CNTNAP2: variants seen among roughly 807,000 people sequenced by gnomAD.
CNTNAP2 encodes contactin-associated protein-like 2.
CNTNAP2 carries 98 observed loss-of-function variants against 155.2 expected under a neutral mutation model. The observed-to-expected ratio is 0.63, with a 90% CI of 0.54 to 0.75. The LOEUF (loss-of-function observed/expected upper bound fraction) is 0.75. CNTNAP2 is among the 30% of genes least tolerant of loss of function. The pLI is 0.00. For synonymous variants in CNTNAP2, 651 were observed against 631.2 expected (o/e 1.03, Z -0.47); for missense variants, 1,727 against 1,688.1 (o/e 1.02, Z -0.40).
chr7:147,001,588 A>C (rs1014112039), intron 3 of CNTNAP2, among the ~76,000 whole-genome samples: 5 of 151,960 alleles, frequency 3.3e-5, no homozygotes, highest in African/African-American at 2.4e-5. Flanking sequence ...TTCCAACACA[A>C]ATGCCTTCTA....
intron 1 of CNTNAP2, among the ~76,000 whole-genome samples, chr7:146,772,785 C>T (rs569079043): frequency 2.6e-5 from 4 of 152,160 alleles, no homozygotes; most frequent in South Asian, 2.1e-4. Context: ...CACTGGGTGG[C>T]GGGGTAGCAG....
intron 3 of CNTNAP2, among the ~76,000 whole-genome samples, chr7:146,894,332 C>A (rs1368109929): frequency 6.6e-6 from 1 of 152,142 alleles, no homozygotes. Context: ...ATATGGGAAA[C>A]AATACCCTTC....
chr7:146,136,420 A>G (rs1309592460), intron 1 of CNTNAP2, among the ~76,000 whole-genome samples: 4 of 152,206 alleles, frequency 2.6e-5, no homozygotes, highest in Non-Finnish European at 5.9e-5. Context: ...AACATATTTT[A>G]TATCTTAAGT....
intron 3 of CNTNAP2, among the ~76,000 whole-genome samples, chr7:147,011,682 T>C (rs1050002058): frequency 2.0e-5 from 3 of 152,000 alleles, no homozygotes; most frequent in African/African-American, 7.2e-5. Flanking sequence ...AGAATTCATC[T>C]CCCCAGAGCA....
chr7:146,429,509 A>C (rs1346768620), intron 1 of CNTNAP2, among the ~76,000 whole-genome samples: 1 of 152,032 alleles, frequency 6.6e-6, no homozygotes, highest in Non-Finnish European at 1.5e-5. Flanking sequence ...GAGTTCATTC[A>C]TAATTCTGCT....
chr7:146,396,705 A>G (rs1346693772), intron 1 of CNTNAP2, among the ~76,000 whole-genome samples: 1 of 139,752 alleles, frequency 7.2e-6, no homozygotes, highest in Non-Finnish European at 1.5e-5. Context: ...GAATATTTAT[A>G]TACATATATA....
intron 13 of CNTNAP2, among the ~76,000 whole-genome samples, chr7:147,821,106 A>G (rs1213409608): frequency 6.6e-6 from 1 of 152,192 alleles, no homozygotes; most frequent in Non-Finnish European, 1.5e-5. Context: ...TACCTGTGGC[A>G]GGTAGCAGTA....
At chr7:147,205,740 G>A (rs1360750637) in intron 8 of CNTNAP2, among the ~76,000 whole-genome samples, 3 of 151,788 alleles carry the variant, frequency 2.0e-5, no homozygotes, top group Non-Finnish European at 4.4e-5. Flanking sequence ...ACCAGCAGCT[G>A]GGAAGGGAAA....
chr7:147,904,304 T>G (rs1389657550), intron 14 of CNTNAP2, among the ~76,000 whole-genome samples: 1 of 152,232 alleles, frequency 6.6e-6, no homozygotes, highest in African/African-American at 2.4e-5. Context: ...ATTTTGGGTT[T>G]CTTCGATCCC....
chr7:147,158,659 C>A (rs781607203), intron 8 of CNTNAP2, among the ~76,000 whole-genome samples: 3 of 151,980 alleles, frequency 2.0e-5, no homozygotes, highest in Non-Finnish European at 4.4e-5. Context: ...AGTGATTTTT[C>A]TTCAATATCA....
chr7:148,229,602 A>G (rs1795922430), intron 19 of CNTNAP2, 44 bp from the exon 20 acceptor site: 2 of 1,612,368 alleles, frequency 1.2e-6, no homozygotes, highest in East Asian at 2.2e-5. Flanking sequence ...TTAAAATGAA[A>G]TTTAGGGCAA....
chr7:147,893,069 C>G (rs985035948), intron 13 of CNTNAP2, among the ~76,000 whole-genome samples: 5 of 152,154 alleles, frequency 3.3e-5, no homozygotes, highest in Non-Finnish European at 7.4e-5. Flanking sequence ...TTTATCTTGA[C>G]TCATTCTTTG....
chr7:147,692,895 G>C (rs926062576), intron 13 of CNTNAP2, among the ~76,000 whole-genome samples: 1 of 151,844 alleles, frequency 6.6e-6, no homozygotes, highest in African/African-American at 2.4e-5. Flanking sequence ...CTTAGATGTT[G>C]TATCTAAAAA....
At chr7:147,743,967 T>C (rs576304897) in intron 13 of CNTNAP2, among the ~76,000 whole-genome samples, 1 of 152,342 alleles carries the variant, frequency 6.6e-6, no homozygotes, top group South Asian at 2.1e-4. Flanking sequence ...GGGCAAGTTA[T>C]GTAATCTCTC....
chr7:147,953,016 A>G (rs1800961288), intron 14 of CNTNAP2, among the ~76,000 whole-genome samples: 1 of 152,208 alleles, frequency 6.6e-6, no homozygotes, highest in African/African-American at 2.4e-5. Context: ...GCTGTCTTCT[A>G]AGTTCTGGCG....
chr7:147,710,669 C>T (rs1335071791), intron 13 of CNTNAP2, among the ~76,000 whole-genome samples: 2 of 152,076 alleles, frequency 1.3e-5, no homozygotes, highest in African/African-American at 4.8e-5. Flanking sequence ...TATTATTTGA[C>T]TTCATATATA....
At chr7:147,653,367 A>G (rs1229569735) in intron 13 of CNTNAP2, among the ~76,000 whole-genome samples, 1 of 152,164 alleles carries the variant, frequency 6.6e-6, no homozygotes, top group Non-Finnish European at 1.5e-5. Flanking sequence ...GTTCTCCGAG[A>G]TCCTGTTAAA....
chr7:146,771,537 A>G (rs1174614817), intron 1 of CNTNAP2, among the ~76,000 whole-genome samples: 1 of 152,214 alleles, frequency 6.6e-6, no homozygotes, highest in Non-Finnish European at 1.5e-5. Context: ...TAGCTTTGTG[A>G]ATTGATACTT....
At chr7:147,800,040 A>G (rs1164873446) in intron 13 of CNTNAP2, among the ~76,000 whole-genome samples, 1 of 152,208 alleles carries the variant, frequency 6.6e-6, no homozygotes, top group African/African-American at 2.4e-5. Context: ...TTCACACAAT[A>G]AATATATAGT....
Sources: allele counts gnomAD v4.1 joint callset (sites outside exome capture counted in the v4.1 genomes callset), GRCh38; gene constraint gnomAD v4.1.1; transcripts MANE v1.5; gene names NCBI Gene and HGNC (gene_info 2026-07-23, HGNC 2026-07-21).